Variants in SLC2A9 observed in about 807,000 individuals in gnomAD.
SLC2A9 encodes solute carrier family 2, facilitated glucose transporter member 9.
SLC2A9 carries 39 observed loss-of-function variants against 50.6 expected under a neutral mutation model. That is an observed-to-expected ratio of 0.77 (90% CI 0.60 to 1.01). The LOEUF (loss-of-function observed/expected upper bound fraction) is 1.01. Among genes scored for constraint, SLC2A9 ranks in the 50% least tolerant of loss-of-function variants. The pLI, the probability that SLC2A9 is intolerant of heterozygous loss-of-function variation, is 0.00. For missense variants in SLC2A9, 686 were observed against 677.6 expected (o/e 1.01, Z -0.14); for synonymous variants, 324 against 276.9 (o/e 1.17, Z -1.69).
chr4:9,870,555 G>A (rs1193872011), intron 10 of SLC2A9, among the ~76,000 whole-genome samples: 1 of 152,212 alleles, frequency 6.6e-6, no homozygotes, highest in African/African-American at 2.4e-5. Context: ...TGAGGGGAGA[G>A]GTTTTCTGGA....
intron 11 of SLC2A9, among the ~76,000 whole-genome samples, chr4:9,832,224 G>A (rs1018742658): frequency 4.6e-5 from 7 of 152,138 alleles, no homozygotes; most frequent in Admixed American, 2.0e-4. Flanking sequence ...TCCCATGGGC[G>A]GGCGTGAGTG....
intron 5 of SLC2A9, among the ~76,000 whole-genome samples, chr4:9,955,935 T>C (rs1751191687): frequency 1.4e-5 from 2 of 138,538 alleles, no homozygotes; most frequent in African/African-American, 5.5e-5. Context: ...TGGAGTGTAG[T>C]GGTGCAAACT....
intron 2 of SLC2A9, among the ~76,000 whole-genome samples, chr4:10,005,239 C>T (rs770953489): frequency 7.2e-5 from 11 of 152,198 alleles, no homozygotes; most frequent in East Asian, 3.8e-4. Context: ...GAAGGGCAGA[C>T]GGAGTGGGCT....
rs145529948 is a variant in SLC2A9 at position 9,863,151 on chromosome 4, A to C, written c.1291+24416T>G. On this transcript the variant is annotated intron_variant, in intron 10 of 11. Coordinates refer to ENST00000264784, the MANE Select transcript of SLC2A9 (RefSeq NM_020041.3). ...CCTGATACATAGTATGTGTTCAAAAATTTTTTTTGTTTTGAGACAGGGCCT... is the reference window on the plus strand; with the variant it reads ...CCTGATACATAGTATGTGTTCAAAACTTTTTTTTGTTTTGAGACAGGGCCT... 9.5e-4 allele frequency among the ~76,000 whole-genome samples: 144 copies of C among 151,676 alleles called. 4 individuals carry two copies. The highest frequency in any genetic ancestry group is 3.2e-3 in the African/African-American group (131 of 41,204).
At chr4:9,930,023 A>T (rs927201654) in intron 6 of SLC2A9, among the ~76,000 whole-genome samples, 3 of 152,100 alleles carry the variant, frequency 2.0e-5, no homozygotes, top group South Asian at 2.1e-4. Context: ...TCCAGATACA[A>T]ATTAGGGGTG....
intron 6 of SLC2A9, among the ~76,000 whole-genome samples, chr4:9,928,082 G>A (rs999798394): frequency 6.6e-6 from 1 of 152,122 alleles, no homozygotes; most frequent in African/African-American, 2.4e-5. Flanking sequence ...TTCGAGGCCA[G>A]CCTCAGCAAC....
intron 2 of SLC2A9, among the ~76,000 whole-genome samples, chr4:10,009,877 A>G (rs1250559530): frequency 2.0e-5 from 3 of 152,248 alleles, no homozygotes; most frequent in African/African-American, 7.2e-5. Flanking sequence ...GCATTTGTGT[A>G]ATGTAAATCT....
Position 9,938,418 on chromosome 4 carries a change from C to T in SLC2A9, c.814+3495G>A, listed in dbSNP as rs372469075. On this transcript the variant is annotated intron_variant, in intron 6 of 11. Transcript: ENST00000264784. Reference sequence around the variant, plus strand: ...TCCAGAGTAGCTGGGACTACAGGCGCCTGCCAACACGCCCGGCTAATTTTT... The same window carrying T: ...TCCAGAGTAGCTGGGACTACAGGCGTCTGCCAACACGCCCGGCTAATTTTT... Among the ~76,000 whole-genome samples the T allele has an allele frequency of 4.6e-5, 7 of 152,086 alleles. No individual in the cohort carries two copies. The East Asian group carries it at 9.7e-4, about 21-fold the overall frequency.
intron 10 of SLC2A9, among the ~76,000 whole-genome samples, chr4:9,840,449 A>C (rs1267506316): frequency 6.6e-6 from 1 of 152,226 alleles, no homozygotes; most frequent in Non-Finnish European, 1.5e-5. Flanking sequence ...TTTAAGAATG[A>C]AAATAGTTTT....
At chr4:10,016,890 G>C (rs897112966) in intron 2 of SLC2A9, among the ~76,000 whole-genome samples, 1 of 151,738 alleles carries the variant, frequency 6.6e-6, no homozygotes, top group Admixed American at 6.6e-5. Context: ...TAAGATCTTA[G>C]GCCCTCTTCT....
chr4:9,783,018 C>A lies in SLC2A9; in HGVS notation n.386-2953G>T, dbSNP rs1800762. On this transcript the variant is annotated intron_variant and non_coding_transcript_variant, in intron 3 of 3. Transcript: ENST00000503803. ...TGCAGTGGACACCCCGAAGGCCCTC[C>A]GGCCGGCTTCCCCTGCGTCAGTGAG... 7,988 of 1,614,212 alleles carry A rather than the reference C, an allele frequency of 4.9e-3. 187 individuals are homozygous for A. The East Asian group carries it at 0.065, about 13-fold the overall frequency.
chr4:9,973,631 T>C (rs868138787), intron 5 of SLC2A9, among the ~76,000 whole-genome samples: 15 of 145,242 alleles, frequency 1.0e-4, no homozygotes, highest in African/African-American at 3.1e-4. Flanking sequence ...AAACACCGCA[T>C]GTTCTCACTC....
At chr4:9,913,006 AG>A (rs1018249549) in intron 7 of SLC2A9, among the ~76,000 whole-genome samples, 5 of 152,218 alleles carry the variant, frequency 3.3e-5, no homozygotes, top group African/African-American at 7.2e-5. Flanking sequence ...AGATGCAGAA[AG>A]GGGCCACAAG....
intron 7 of SLC2A9, among the ~76,000 whole-genome samples, chr4:9,912,034 G>C (rs538649569): frequency 6.6e-6 from 1 of 152,002 alleles, no homozygotes; most frequent in Non-Finnish European, 1.5e-5. Context: ...GCAAACTATC[G>C]CAAGGACAAA....
chr4:10,036,701 G>A (rs1005281805), intron 1 of SLC2A9, among the ~76,000 whole-genome samples: 1 of 152,230 alleles, frequency 6.6e-6, no homozygotes, highest in East Asian at 1.9e-4. Flanking sequence ...CAGCTCTGTA[G>A]TGAGCACGTA....
chr4:9,964,721 C>G (rs552520941), intron 5 of SLC2A9, among the ~76,000 whole-genome samples: 1 of 152,310 alleles, frequency 6.6e-6, no homozygotes, highest in Middle Eastern at 3.4e-3. Flanking sequence ...TCACAGAAAA[C>G]AAGTGCTTTC....
intron 10 of SLC2A9, among the ~76,000 whole-genome samples, chr4:9,858,285 C>T (rs1731059373): frequency 6.6e-6 from 1 of 152,176 alleles, no homozygotes; most frequent in South Asian, 2.1e-4. Flanking sequence ...TAGCTTGATA[C>T]TTTAGCAATG....
intron 1 of SLC2A9, 120 bp from the exon 2 acceptor site, chr4:10,019,193 C>CT (rs1763183256): frequency 7.3e-6 from 6 of 825,864 alleles, no homozygotes; most frequent in Non-Finnish European, 1.2e-5. Context: ...TTGTCCTTGG[C>CT]TGGGGTAGAG....
chr4:9,852,338 C>G (rs372151266), intron 10 of SLC2A9, among the ~76,000 whole-genome samples: 3 of 151,782 alleles, frequency 2.0e-5, no homozygotes, highest in African/African-American at 7.3e-5. Flanking sequence ...CTGCAAGCTC[C>G]GCTTCCCGGG....
Sources: gnomAD v4.1 joint callset for allele counts (sites outside exome capture counted in the v4.1 genomes callset) on GRCh38, gnomAD v4.1.1 for gene constraint, MANE v1.5 for transcripts, NCBI Gene and HGNC (gene_info 2026-07-23, HGNC 2026-07-21) for gene names.